CCSER1: variants seen among roughly 807,000 people sequenced by gnomAD.
CCSER1 encodes coiled-coil serine rich protein 1, also known as serine-rich coiled-coil domain-containing protein 1.
In CCSER1, 41 loss-of-function variants were observed where a neutral mutation model predicts 82.0. The observed-to-expected ratio is 0.50, with a 90% CI of 0.39 to 0.65. The LOEUF is 0.65. CCSER1 is among the 30% of genes least tolerant of loss of function. The pLI, the probability that CCSER1 is intolerant of heterozygous loss-of-function variation, is 0.00. For missense variants in CCSER1, 1,119 were observed against 1,064.2 expected (o/e 1.05, Z -0.72); for synonymous variants, 414 against 383.9 (o/e 1.08, Z -0.92).
chr4:91,495,093 T>C (rs548286526), intron 10 of CCSER1, among the ~76,000 whole-genome samples: 2 of 151,676 alleles, frequency 1.3e-5, no homozygotes, highest in African/African-American at 2.4e-5. Context: ...TAGTGTGTAA[T>C]AATTTTCGAA....
chr4:91,175,402 C>T (rs1052979269), intron 10 of CCSER1, among the ~76,000 whole-genome samples: 3 of 152,144 alleles, frequency 2.0e-5, no homozygotes, highest in East Asian at 1.9e-4. Flanking sequence ...CGCCACACTG[C>T]CTTCCACAAT....
At position 91,379,413 on chromosome 4, in the gene CCSER1, A is replaced by T. The variant is rs372905290; in HGVS notation, c.2218-219159A>T. Among the ~76,000 whole-genome samples the T allele has an allele frequency of 3.9e-5, 6 of 152,156 alleles. No individual in the cohort carries two copies. The East Asian group carries it at 9.7e-4, about 25-fold the overall frequency. On this transcript the variant is annotated intron_variant, in intron 10 of 10. Coordinates refer to ENST00000509176, the MANE Select transcript of CCSER1 (RefSeq NM_001145065.2). The stretch of plus-strand genomic sequence containing the variant: ...TTTTTTGGTTGGTAGGCTCTTAATT[A>T]TTGCCTCAATTTCAGAGCCTGTTAT...
At chr4:91,513,395 T>C (rs1373398680) in intron 10 of CCSER1, among the ~76,000 whole-genome samples, 1 of 152,178 alleles carries the variant, frequency 6.6e-6, no homozygotes, top group Non-Finnish European at 1.5e-5. Flanking sequence ...TACATCTGTG[T>C]TCAGCAGGGA....
At chr4:90,777,671 G>T (rs1003566645) in intron 7 of CCSER1, among the ~76,000 whole-genome samples, 1 of 151,838 alleles carries the variant, frequency 6.6e-6, no homozygotes, top group African/African-American at 2.4e-5. Flanking sequence ...ATTGTATATA[G>T]CCAGCAGGAT....
intron 1 of CCSER1, among the ~76,000 whole-genome samples, chr4:90,259,854 G>A (rs1723993698): frequency 6.6e-6 from 1 of 152,070 alleles, no homozygotes; most frequent in South Asian, 2.1e-4. Flanking sequence ...ACCAGCTGTT[G>A]GATTTGGTGA....
intron 8 of CCSER1, among the ~76,000 whole-genome samples, chr4:90,831,855 C>T (rs1407493626): frequency 6.6e-6 from 1 of 151,924 alleles, no homozygotes; most frequent in Non-Finnish European, 1.5e-5. Flanking sequence ...CCTAATATTC[C>T]ACTACCTCAA....
intron 5 of CCSER1, among the ~76,000 whole-genome samples, chr4:90,479,339 C>T (rs1278916803): frequency 1.3e-5 from 2 of 152,018 alleles, no homozygotes; most frequent in Non-Finnish European, 2.9e-5. Flanking sequence ...TTCTGTTCTA[C>T]TTAGTGTCAT....
intron 10 of CCSER1, among the ~76,000 whole-genome samples, chr4:91,278,002 A>G (rs1185636331): frequency 1.3e-5 from 2 of 151,900 alleles, no homozygotes; most frequent in Non-Finnish European, 2.9e-5. Context: ...AAGTTCCTAT[A>G]GTTATTGATT....
intron 10 of CCSER1, among the ~76,000 whole-genome samples, chr4:91,388,887 T>A (rs543493762): frequency 6.6e-6 from 1 of 152,206 alleles, no homozygotes; most frequent in East Asian, 1.9e-4. Context: ...TGTGTATCTT[T>A]TTTGGTGAGG....
At chr4:90,687,219 A>G (rs1370507838) in intron 6 of CCSER1, among the ~76,000 whole-genome samples, 3 of 152,178 alleles carry the variant, frequency 2.0e-5, no homozygotes, top group Non-Finnish European at 2.9e-5. Context: ...CTTTTTTTCA[A>G]GTAGCTTACT....
At chr4:91,270,734 T>A (rs1267997849) in intron 10 of CCSER1, among the ~76,000 whole-genome samples, 3 of 152,204 alleles carry the variant, frequency 2.0e-5, no homozygotes, top group Non-Finnish European at 2.9e-5. Context: ...TTTGTAGCCA[T>A]GGAAATTTAC....
At chr4:91,202,304 C>A (rs1735966327) in intron 10 of CCSER1, among the ~76,000 whole-genome samples, 1 of 151,966 alleles carries the variant, frequency 6.6e-6, no homozygotes, top group Non-Finnish European at 1.5e-5. Flanking sequence ...TGCAAGATGG[C>A]ATTGTAGCAC....
At chr4:90,715,710 A>G (rs185576292) in intron 6 of CCSER1, among the ~76,000 whole-genome samples, 2 of 152,162 alleles carry the variant, frequency 1.3e-5, no homozygotes, top group Admixed American at 1.3e-4. Context: ...TAGAGAATAT[A>G]TGGTGAGGCA....
chr4:90,613,575 A>G lies in CCSER1; in HGVS notation c.1725-14450A>G, dbSNP rs545986034. ...TGGGAACCATAATCTAGGGATTTAGAATGGTGAATTCTTTCCAGAAGGTTT... is the reference window on the plus strand; with the variant it reads ...TGGGAACCATAATCTAGGGATTTAGGATGGTGAATTCTTTCCAGAAGGTTT... On this transcript the variant is annotated intron_variant, in intron 5 of 10. Coordinates refer to ENST00000509176, the MANE Select transcript of CCSER1 (RefSeq NM_001145065.2). 1.3e-4 allele frequency among the ~76,000 whole-genome samples: 20 copies of G among 152,302 alleles called. No homozygotes were observed. In the South Asian group the frequency reaches 1.9e-3, roughly 14 times the overall value.
chr4:90,393,509 G>A (rs1751500485), intron 3 of CCSER1, among the ~76,000 whole-genome samples: 1 of 151,960 alleles, frequency 6.6e-6, no homozygotes, highest in Non-Finnish European at 1.5e-5. Flanking sequence ...ACCTCACAAT[G>A]ATTACAGCAG....
At chr4:90,239,821 C>T (rs1185710026) in intron 1 of CCSER1, among the ~76,000 whole-genome samples, 4 of 152,020 alleles carry the variant, frequency 2.6e-5, no homozygotes, top group African/African-American at 9.7e-5. Context: ...GTAATTATTT[C>T]CAAATGTGAA....
At chr4:91,263,783 C>A (rs975782938) in intron 10 of CCSER1, among the ~76,000 whole-genome samples, 3 of 151,764 alleles carry the variant, frequency 2.0e-5, no homozygotes, top group Non-Finnish European at 4.4e-5. Flanking sequence ...ATTGGAAAAT[C>A]TTTTTTAAAT....
At chr4:90,548,714 T>G (rs190180231) in intron 5 of CCSER1, among the ~76,000 whole-genome samples, 1 of 148,690 alleles carries the variant, frequency 6.7e-6, no homozygotes, top group South Asian at 2.1e-4. Context: ...ATAAGCAAGG[T>G]TTATCATTTA....
intron 6 of CCSER1, among the ~76,000 whole-genome samples, chr4:90,656,127 T>C (rs1729658197): frequency 6.6e-6 from 1 of 151,912 alleles, no homozygotes; most frequent in South Asian, 2.1e-4. Flanking sequence ...AAAAATCTCT[T>C]TTTAAAAGTT....
Sources: allele counts gnomAD v4.1 joint callset (sites outside exome capture counted in the v4.1 genomes callset), GRCh38; gene constraint gnomAD v4.1.1; transcripts MANE v1.5; gene names NCBI Gene and HGNC (gene_info 2026-07-23, HGNC 2026-07-21).